The following STAC variants were observed in gnomAD, a reference collection of about 807,000 sequenced individuals.
STAC encodes SH3 and cysteine-rich domain-containing protein.
STAC carries 43 observed loss-of-function variants against 48.8 expected under a neutral mutation model. The observed-to-expected ratio is 0.88, with a 90% confidence interval of 0.69 to 1.14. STAC has a LOEUF of 1.14. STAC is among the 50% of genes most tolerant of loss of function. The pLI, the probability that STAC is intolerant of heterozygous loss-of-function variation, is 0.00. For missense variants in STAC, 497 were observed against 504.0 expected, an observed-to-expected ratio of 0.99 and a Z score of 0.13; for synonymous variants, 193 against 179.5, an observed-to-expected ratio of 1.07 and a Z score of -0.60.
intron 1 of STAC, among the ~76,000 whole-genome samples, chr3:36,409,315 C>T (rs993572767): frequency 4.6e-5 from 7 of 152,068 alleles, no homozygotes; most frequent in African/African-American, 1.7e-4. Flanking sequence ...ATCAGTGGAG[C>T]AGAGTAGTCC....
At chr3:36,495,032 TCTC>T (rs1199070089) in intron 6 of STAC, among the ~76,000 whole-genome samples, 1 of 152,156 alleles carries the variant, frequency 6.6e-6, no homozygotes, top group Non-Finnish European at 1.5e-5. Flanking sequence ...CTGCTGGCCT[TCTC>T]CTCACTAACT....
intron 1 of STAC, among the ~76,000 whole-genome samples, chr3:36,422,968 A>G (rs1387000708): frequency 5.3e-5 from 8 of 152,188 alleles, no homozygotes; most frequent in African/African-American, 1.9e-4. Context: ...GGCTCAAAAA[A>G]TATAGATATT....
chr3:36,481,910 G>A (rs1697657667), intron 2 of STAC, among the ~76,000 whole-genome samples: 1 of 152,192 alleles, frequency 6.6e-6, no homozygotes, highest in African/African-American at 2.4e-5. Flanking sequence ...GGACTGAGGA[G>A]ACAACAGAGC....
intron 5 of STAC, among the ~76,000 whole-genome samples, chr3:36,488,311 A>C (rs913354558): frequency 6.6e-6 from 1 of 152,178 alleles, no homozygotes; most frequent in African/African-American, 2.4e-5. Context: ...CAAGGAAGTA[A>C]TCCATTAACA....
At chr3:36,397,621 T>C (rs1029446376) in intron 1 of STAC, among the ~76,000 whole-genome samples, 5 of 152,182 alleles carry the variant, frequency 3.3e-5, no homozygotes, top group African/African-American at 1.2e-4. Context: ...AGAAAGAACA[T>C]GATGTAAAAT....
chr3:36,411,420 A>C (rs1454851498), intron 1 of STAC, among the ~76,000 whole-genome samples: 1 of 152,158 alleles, frequency 6.6e-6, no homozygotes, highest in African/African-American at 2.4e-5. Flanking sequence ...TCCCTCTCCT[A>C]GTCTGCTCCA....
chr3:36,387,289 A>C (rs1287508277), intron 1 of STAC, among the ~76,000 whole-genome samples: 3 of 152,054 alleles, frequency 2.0e-5, no homozygotes, highest in Non-Finnish European at 4.4e-5. Context: ...TAGACATCAA[A>C]ACCAACCTAG....
chr3:36,421,679 T>A (rs1308758445), intron 1 of STAC, among the ~76,000 whole-genome samples: 1 of 152,158 alleles, frequency 6.6e-6, no homozygotes, highest in African/African-American at 2.4e-5. Flanking sequence ...ATTATTCATT[T>A]ATATCTTCCT....
chr3:36,444,276 G>A (rs1696442756), intron 2 of STAC, among the ~76,000 whole-genome samples: 7 of 152,204 alleles, frequency 4.6e-5, no homozygotes, highest in Admixed American at 4.6e-4. Context: ...AACAGTGCTT[G>A]TATCGGTCAA....
intron 1 of STAC, among the ~76,000 whole-genome samples, chr3:36,412,913 G>A (rs148915733): frequency 1.3e-5 from 2 of 152,168 alleles, no homozygotes; most frequent in East Asian, 3.9e-4. Context: ...GGGGTGGTGA[G>A]GCATACATTT....
rs574196503 is a variant in STAC at position 36,442,132 on chromosome 3, A to G, written c.112-1232A>G. ...CCTGGATCTGCATGATCCATTGATC[A>G]TAAGAGAGACTGGTCCATCATTGCA... On this transcript the variant is annotated intron_variant, in intron 1 of 10. Coordinates refer to ENST00000273183, the MANE Select transcript of STAC (RefSeq NM_003149.3). Among the ~76,000 whole-genome samples the G allele has an allele frequency of 2.6e-5, 4 of 152,326 alleles. No individual in the cohort carries two copies. In the East Asian group the frequency reaches 5.8e-4, roughly 22 times the overall value.
chr3:36,454,573 G>T (rs1485859121), intron 2 of STAC, among the ~76,000 whole-genome samples: 1 of 152,120 alleles, frequency 6.6e-6, no homozygotes, highest in Non-Finnish European at 1.5e-5. Flanking sequence ...ATCTTAGAAA[G>T]ACATGGATAC....
In STAC at chr3:36,394,852, C is replaced by T. The variant is rs549493208; in HGVS notation, c.111+14098C>T. ...GCGGAGGTTGCATGCCACTACACTC[C>T]GGCATGGGCAACAGAGTAAAATTCT... On this transcript the variant is annotated intron_variant, in intron 1 of 10. Coordinates refer to ENST00000273183, the MANE Select transcript of STAC (RefSeq NM_003149.3). Among the ~76,000 whole-genome samples, 174 of 150,776 alleles carry T rather than the reference C, an allele frequency of 1.2e-3. 1 individual carries two copies. Among genetic ancestry groups the T allele is most frequent in the Middle Eastern group, 3.4e-3 (1 of 292 alleles).
chr3:36,405,271 G>A (rs914076751), intron 1 of STAC, among the ~76,000 whole-genome samples: 8 of 151,632 alleles, frequency 5.3e-5, no homozygotes, highest in Non-Finnish European at 3.0e-5. Flanking sequence ...TGCTACCCCT[G>A]ACTTACTGTG....
chr3:36,474,548 A>C (rs1395050864), intron 2 of STAC, among the ~76,000 whole-genome samples: 1 of 152,186 alleles, frequency 6.6e-6, no homozygotes, highest in Non-Finnish European at 1.5e-5. Context: ...GCTGGGCTTC[A>C]GAGTTGTGTA....
chr3:36,446,654 C>T (rs998575446), intron 2 of STAC, among the ~76,000 whole-genome samples: 3 of 152,196 alleles, frequency 2.0e-5, no homozygotes, highest in Admixed American at 2.0e-4. Flanking sequence ...TCAACATGTA[C>T]TATTAATATA....
At chr3:36,480,867 T>C (rs896549015) in intron 2 of STAC, among the ~76,000 whole-genome samples, 5 of 152,180 alleles carry the variant, frequency 3.3e-5, no homozygotes, top group Non-Finnish European at 5.9e-5. Context: ...GCTGGGAATA[T>C]CGAGGCAAAT....
intron 1 of STAC, among the ~76,000 whole-genome samples, chr3:36,441,353 T>C (rs1019732496): frequency 2.0e-5 from 3 of 152,184 alleles, no homozygotes; most frequent in African/African-American, 4.8e-5. Flanking sequence ...CATTTAACTT[T>C]CTTTTCCTGG....
chr3:36,540,269 C>A (rs1449952185), intron 10 of STAC, among the ~76,000 whole-genome samples: 1 of 152,046 alleles, frequency 6.6e-6, no homozygotes, highest in East Asian at 1.9e-4. Flanking sequence ...ACTTCTGAAC[C>A]CTAGAACTGT....
Sources: gnomAD v4.1 joint callset for allele counts (sites outside exome capture counted in the v4.1 genomes callset) on GRCh38, gnomAD v4.1.1 for gene constraint, MANE v1.5 for transcripts, NCBI Gene and HGNC (gene_info 2026-07-23, HGNC 2026-07-21) for gene names.